Variants in ADARB2 observed in about 807,000 individuals in gnomAD.
ADARB2 encodes inactive double-stranded RNA-specific editase B2.
ADARB2 carries 25 observed loss-of-function variants against 62.2 expected under a neutral mutation model. The observed-to-expected ratio is 0.40, with a 90% confidence interval of 0.29 to 0.56. ADARB2 has a LOEUF of 0.56. Ranked by LOEUF, ADARB2 falls within the 20% of genes least tolerant of loss-of-function variation. ADARB2 has a pLI of 0.43. For missense variants in ADARB2, 1,071 were observed against 1,077.4 expected (o/e 0.99, Z 0.08); for synonymous variants, 572 against 500.8 (o/e 1.14, Z -1.90).
intron 6 of ADARB2, among the ~76,000 whole-genome samples, chr10:1,223,216 TTGTC>T (rs1347727270): frequency 6.6e-6 from 1 of 152,132 alleles, no homozygotes; most frequent in Non-Finnish European, 1.5e-5. Context: ...GGCTCTCTGT[TTGTC>T]TGTTATTGGT....
intron 1 of ADARB2, among the ~76,000 whole-genome samples, chr10:1,625,680 C>A (rs1020888058): frequency 1.3e-5 from 2 of 152,120 alleles, no homozygotes; most frequent in African/African-American, 4.8e-5. Context: ...GTCCACTGAC[C>A]ATCAGACAGC....
At chr10:1,234,610 T>C (rs566836970) in intron 5 of ADARB2, among the ~76,000 whole-genome samples, 6 of 151,830 alleles carry the variant, frequency 4.0e-5, no homozygotes, top group Non-Finnish European at 7.4e-5. Context: ...GAGGCTAATT[T>C]ATTTACTTTT....
chr10:1,245,908 A>C (rs936695162), intron 4 of ADARB2, among the ~76,000 whole-genome samples: 1 of 151,622 alleles, frequency 6.6e-6, no homozygotes, highest in African/African-American at 2.4e-5. Flanking sequence ...CTGAGGAATC[A>C]CCATACTGAC....
intron 1 of ADARB2, among the ~76,000 whole-genome samples, chr10:1,510,413 C>T (rs533278296): frequency 6.6e-6 from 1 of 152,182 alleles, no homozygotes; most frequent in East Asian, 1.9e-4. Context: ...AACTCCTGAG[C>T]TCAAGCAATC....
At chr10:1,568,832 A>ATCTATCTATCTG (rs1280652271) in intron 1 of ADARB2, among the ~76,000 whole-genome samples, 1 of 151,522 alleles carries the variant, frequency 6.6e-6, no homozygotes, top group African/African-American at 2.4e-5. Flanking sequence ...CTATCTATCT[A>ATCTATCTATCTG]TCTATCTATC....
chr10:1,727,238 C>T (rs1356629781), intron 1 of ADARB2, among the ~76,000 whole-genome samples: 1 of 152,180 alleles, frequency 6.6e-6, no homozygotes, highest in Non-Finnish European at 1.5e-5. Context: ...GGCCCCCATT[C>T]TTGAGAAATC....
chr10:1,608,759 GGAAAGAAAGAGAAAGA>G (rs1833527597), intron 1 of ADARB2, among the ~76,000 whole-genome samples: 1 of 101,948 alleles, frequency 9.8e-6, no homozygotes, highest in East Asian at 3.9e-4. Flanking sequence ...AAGGAAGGAA[GGAAAGAAAGAGAAAGA>G]GAAAGAAAGA....
At chr10:1,469,318 A>G (rs1831293887) in intron 1 of ADARB2, among the ~76,000 whole-genome samples, 1 of 152,246 alleles carries the variant, frequency 6.6e-6, no homozygotes, top group South Asian at 2.1e-4. Context: ...GGCAGATGAT[A>G]CTTAGGAGTC....
At chr10:1,623,455 T>A (rs1246126622) in intron 1 of ADARB2, among the ~76,000 whole-genome samples, 3 of 152,222 alleles carry the variant, frequency 2.0e-5, no homozygotes, top group Non-Finnish European at 4.4e-5. Context: ...AGTAAGAATA[T>A]AAACTGTTGT....
At chr10:1,459,066 A>T (rs1055117736) in intron 1 of ADARB2, among the ~76,000 whole-genome samples, 1 of 152,210 alleles carries the variant, frequency 6.6e-6, no homozygotes, top group African/African-American at 2.4e-5. Flanking sequence ...GTTGTGGAGA[A>T]AAAGGAACAT....
intron 1 of ADARB2, among the ~76,000 whole-genome samples, chr10:1,422,080 C>T (rs1832856772): frequency 6.6e-6 from 1 of 152,216 alleles, no homozygotes; most frequent in African/African-American, 2.4e-5. Context: ...GCAACATCCC[C>T]CATCAAAGCC....
At chr10:1,373,791 C>T (rs1407592239) in intron 2 of ADARB2, among the ~76,000 whole-genome samples, 1 of 84,598 alleles carries the variant, frequency 1.2e-5, no homozygotes, top group African/African-American at 3.8e-5. Context: ...ACGTGGACTC[C>T]GCGCACCTTT....
At chr10:1,402,420 C>G (rs1832672768) in intron 1 of ADARB2, among the ~76,000 whole-genome samples, 1 of 152,112 alleles carries the variant, frequency 6.6e-6, no homozygotes, top group Admixed American at 6.5e-5. Flanking sequence ...GGGAGTTTCA[C>G]TGAGAAAAAA....
chr10:1,648,599 C>T (rs753793975), intron 1 of ADARB2, among the ~76,000 whole-genome samples: 7 of 152,114 alleles, frequency 4.6e-5, no homozygotes, highest in Non-Finnish European at 5.9e-5. Context: ...TACGTATAAG[C>T]GATCAAGAGA....
At position 1,554,412 on chromosome 10, in the gene ADARB2, C is replaced by T. The variant is rs560504771; in HGVS notation, c.101-175252G>A. On this transcript the variant is annotated intron_variant, in intron 1 of 9. Transcript: ENST00000381312. ...TCACAGAACCATCAATGAATGCTGT[C>T]TCTTCCCTGGTGTATGCTGGAGATT... Among the ~76,000 whole-genome samples, 89 of 152,310 alleles carry T rather than the reference C, an allele frequency of 5.8e-4. 2 individuals carry two copies. In the South Asian group the frequency reaches 0.018, roughly 30 times the overall value.
At chr10:1,695,764 G>A (rs1834732980) in intron 1 of ADARB2, among the ~76,000 whole-genome samples, 1 of 152,184 alleles carries the variant, frequency 6.6e-6, no homozygotes, top group Non-Finnish European at 1.5e-5. Context: ...ACATGCATGT[G>A]TAGGTGTGTC....
At chr10:1,248,203 G>A (rs1157912010) in intron 4 of ADARB2, among the ~76,000 whole-genome samples, 3 of 152,066 alleles carry the variant, frequency 2.0e-5, no homozygotes, top group Non-Finnish European at 4.4e-5. Flanking sequence ...AGGCAAAGGT[G>A]TGCGACGTGT....
chr10:1,445,794 A>G (rs1331934891), intron 1 of ADARB2, among the ~76,000 whole-genome samples: 1 of 152,238 alleles, frequency 6.6e-6, no homozygotes, highest in East Asian at 1.9e-4. Context: ...CTAATGGGCT[A>G]ATAAGCTGAC....
At chr10:1,211,445 C>G (rs968470667) in intron 7 of ADARB2, among the ~76,000 whole-genome samples, 2 of 152,136 alleles carry the variant, frequency 1.3e-5, no homozygotes, top group South Asian at 4.1e-4. Flanking sequence ...CCCACTGTGC[C>G]AGACACTGAA....
Sources: gnomAD v4.1 joint callset for allele counts (sites outside exome capture counted in the v4.1 genomes callset) on GRCh38, gnomAD v4.1.1 for gene constraint, MANE v1.5 for transcripts, NCBI Gene and HGNC (gene_info 2026-07-23, HGNC 2026-07-21) for gene names.